Variants in LBH observed in about 807,000 individuals in gnomAD.
LBH encodes protein LBH.
LBH carries 7 observed loss-of-function variants against 12.5 expected under a neutral mutation model. That is an observed-to-expected ratio of 0.56 (90% CI 0.32 to 1.05). The LOEUF (loss-of-function observed/expected upper bound fraction) is 1.05. Among genes scored for constraint, LBH ranks in the 50% least tolerant of loss-of-function variants. The probability of loss-of-function intolerance (pLI) is 0.04; values close to 1 mark genes in which losing one functional copy is unlikely to be tolerated. For synonymous variants in LBH, 51 were observed against 50.1 expected, an observed-to-expected ratio of 1.02 and a Z score of -0.08; for missense variants, 119 against 138.9, an observed-to-expected ratio of 0.86 and a Z score of 0.72.
chr2:30,242,012 A>C (rs1047956147), intron 2 of LBH, among the ~76,000 whole-genome samples: 5 of 152,212 alleles, frequency 3.3e-5, no homozygotes, highest in African/African-American at 1.2e-4. Flanking sequence ...TTATATCATA[A>C]AGTTAAAACA....
intron 2 of LBH, chr2:30,256,518 T>C (rs1440067971): frequency 6.6e-6 from 1 of 152,166 alleles, no homozygotes; most frequent in Non-Finnish European, 1.5e-5. Context: ...TATCCAGTTT[T>C]TGTTTTTTTT....
intron 2 of LBH, among the ~76,000 whole-genome samples, chr2:30,243,523 C>T (rs1387386084): frequency 7.2e-6 from 1 of 139,636 alleles, no homozygotes; most frequent in African/African-American, 2.7e-5. Flanking sequence ...ATGGGCTGGA[C>T]TCTTTTTTTT....
chr2:30,233,441 C>T (rs1677628350), intron 1 of LBH, among the ~76,000 whole-genome samples: 1 of 152,226 alleles, frequency 6.6e-6, no homozygotes, highest in African/African-American at 2.4e-5. Context: ...ATCTGGTACC[C>T]CTGTTTCCTT....
intron 2 of LBH, among the ~76,000 whole-genome samples, chr2:30,253,078 C>T (rs1465568374): frequency 6.6e-6 from 1 of 152,230 alleles, no homozygotes; most frequent in Admixed American, 6.5e-5. Context: ...AGGCAGCATG[C>T]CGGCCTGGCC....
intron 2 of LBH, among the ~76,000 whole-genome samples, chr2:30,241,248 A>G (rs1677783351): frequency 1.3e-5 from 2 of 152,114 alleles, no homozygotes; most frequent in Admixed American, 1.3e-4. Flanking sequence ...ACACACATTC[A>G]CACACACAAC....
chr2:30,251,819 G>A (rs1374936085), intron 2 of LBH, among the ~76,000 whole-genome samples: 1 of 152,074 alleles, frequency 6.6e-6, no homozygotes, highest in Admixed American at 6.5e-5. Flanking sequence ...CTGCTTTGTT[G>A]GATAGATGAT....
intron 2 of LBH, among the ~76,000 whole-genome samples, chr2:30,239,211 C>G (rs1677743460): frequency 1.3e-5 from 2 of 152,220 alleles, no homozygotes; most frequent in African/African-American, 4.8e-5. Context: ...GCTCACATCT[C>G]TGCTGAGCCT....
rs962403986 is a variant in LBH, at chr2:30,257,735, A to G, written c.*114A>G. The G allele has an allele frequency of 9.3e-6, 7 of 753,676 alleles. No individual in the cohort carries two copies. The Admixed American group carries it at 2.4e-4, about 26-fold the overall frequency. 46.7% of individuals were successfully genotyped at this position (753,676 alleles called of 1,614,324 possible). On this transcript the variant is annotated 3_prime_UTR_variant, in exon 3 of 3. Transcript: ENST00000395323. Reference sequence around the variant, plus strand: ...GCAATTGTTCTGAAAATGTCAAACGAGGCTTCTGTTTTGCACCTGCAGATC... The same window carrying G: ...GCAATTGTTCTGAAAATGTCAAACGGGGCTTCTGTTTTGCACCTGCAGATC...
At chr2:30,246,762 T>TTTC (rs1677877150) in intron 2 of LBH, among the ~76,000 whole-genome samples, 1 of 131,412 alleles carries the variant, frequency 7.6e-6, no homozygotes, top group Non-Finnish European at 1.7e-5. Context: ...TTTTCCTTCC[T>TTTC]TCTTTCTCTT....
In LBH at chr2:30,234,506, A is replaced by G; in HGVS notation, c.128A>G (p.Gln43Arg). The G allele has an allele frequency of 6.2e-7, 1 of 1,608,912 alleles. No individual in the cohort carries two copies. Among genetic ancestry groups the G allele is most frequent in the Non-Finnish European group, 8.5e-7 (1 of 1,175,252 alleles). The change falls in exon 2 of 3, where the codon CAG (glutamine) becomes CGG (arginine). Residue 43 changes from glutamine to arginine, a missense_variant and splice_region_variant. Physicochemically the swap from Gln to Arg is conservative, Grantham distance 43. Coordinates refer to ENST00000395323, the MANE Select transcript of LBH (RefSeq NM_030915.4). ...CCCCGCAAGGATGGCCTTTCCTACCAGGTGAGTAAGTCCTGGCTCCCCTCT... is the reference window on the plus strand; with the variant it reads ...CCCCGCAAGGATGGCCTTTCCTACCGGGTGAGTAAGTCCTGGCTCCCCTCT... ...LSPRKDGLSY[Q>R]IFPDPSDFDR...
rs981629224 is a variant in LBH, at chr2:30,258,353, T to C, written c.*732T>C. 1.3e-5 allele frequency: 2 copies of C among 152,308 alleles called. No homozygotes were observed. Among genetic ancestry groups the C allele is most frequent in the African/African-American group, 4.8e-5 (2 of 41,432 alleles). The allele number at this position is 152,308 out of a possible 1,614,324, so 9.4% of individuals were successfully genotyped here. A position where few individuals can be genotyped will look rare whatever the true frequency, so the allele number is the denominator to read the frequency against. On this transcript the variant is annotated 3_prime_UTR_variant, in exon 3 of 3. Transcript: ENST00000395323. ...AGCTGTGGTAGGCTCACATAGCCAG[T>C]GTGATCGGTTTTTAAGAGGCAGTGC...
At chr2:30,250,226 T>G (rs1390781547) in intron 2 of LBH, among the ~76,000 whole-genome samples, 1 of 152,130 alleles carries the variant, frequency 6.6e-6, no homozygotes, top group African/African-American at 2.4e-5. Flanking sequence ...TTGTCCACAG[T>G]GCCTTAGGGA....
At chr2:30,239,186 A>G (rs563811086) in intron 2 of LBH, among the ~76,000 whole-genome samples, 72 of 152,316 alleles carry the variant, frequency 4.7e-4, no homozygotes, top group African/African-American at 1.6e-3. Context: ...GGTAGCTCGG[A>G]AACCCCTTCT....
chr2:30,242,465 A>G (rs1677807025), intron 2 of LBH, among the ~76,000 whole-genome samples: 1 of 152,112 alleles, frequency 6.6e-6, no homozygotes, highest in South Asian at 2.1e-4. Flanking sequence ...GCTGGTCTCA[A>G]ACTCCTGCCC....
intron 2 of LBH, among the ~76,000 whole-genome samples, chr2:30,252,428 C>T (rs567598602): frequency 1.3e-5 from 2 of 152,228 alleles, no homozygotes; most frequent in East Asian, 3.9e-4. Flanking sequence ...TTTGGGAGGC[C>T]AGGGCGGGCG....
rs992102813 is a variant in LBH at position 30,257,777 on chromosome 2, T to G, written c.*156T>G. On this transcript the variant is annotated 3_prime_UTR_variant, in exon 3 of 3. Coordinates refer to ENST00000395323, the MANE Select transcript of LBH (RefSeq NM_030915.4). ...CTGCAGATCACCGAGTTGGTTTTCT[T>G]TTCTTTTCTTGCCTTTTTTTTTTTT... The G allele has an allele frequency of 3.5e-6, 2 of 567,868 alleles. No individual in the cohort carries two copies. The highest frequency in any genetic ancestry group is 4.0e-5 in the African/African-American group (2 of 50,404). 35.2% of individuals were successfully genotyped at this position (567,868 alleles called of 1,614,324 possible).
chr2:30,257,730 A>T lies in LBH; in HGVS notation c.*109A>T. 1 of 787,622 alleles carries T rather than the reference A, an allele frequency of 1.3e-6. No individual in the cohort carries two copies. Among genetic ancestry groups the T allele is most frequent in the Non-Finnish European group, 1.9e-6 (1 of 523,684 alleles). The allele number at this position is 787,622 out of a possible 1,614,324, so 48.8% of individuals were successfully genotyped here. On this transcript the variant is annotated 3_prime_UTR_variant, in exon 3 of 3. Coordinates refer to ENST00000395323, the MANE Select transcript of LBH (RefSeq NM_030915.4). Reference sequence around the variant, plus strand: ...GAGCCGCAATTGTTCTGAAAATGTCAAACGAGGCTTCTGTTTTGCACCTGC... The same window carrying T: ...GAGCCGCAATTGTTCTGAAAATGTCTAACGAGGCTTCTGTTTTGCACCTGC...
chr2:30,238,518 C>T (rs755625144), intron 2 of LBH, among the ~76,000 whole-genome samples: 1 of 152,222 alleles, frequency 6.6e-6, no homozygotes, highest in Non-Finnish European at 1.5e-5. Flanking sequence ...AGGGAGGATG[C>T]TCTGGGAGGG....
At chr2:30,255,650 A>C (rs1261754266) in intron 2 of LBH, among the ~76,000 whole-genome samples, 4 of 152,186 alleles carry the variant, frequency 2.6e-5, no homozygotes, top group African/African-American at 9.7e-5. Flanking sequence ...TGATGTGGTG[A>C]GAGTGTGACT....
Sources: allele counts gnomAD v4.1 joint callset (sites outside exome capture counted in the v4.1 genomes callset), GRCh38; gene constraint gnomAD v4.1.1; transcripts MANE v1.5; gene names NCBI Gene and HGNC (gene_info 2026-07-23, HGNC 2026-07-21).